The following TAOK3 variants were observed in gnomAD, a reference collection of about 807,000 sequenced individuals.
TAOK3 encodes the protein serine/threonine-protein kinase TAO3.
In TAOK3, 40 loss-of-function variants were observed where a neutral mutation model predicts 120.4. The observed-to-expected ratio is 0.33, with a 90% CI of 0.26 to 0.43. The LOEUF is 0.43. Ranked by LOEUF, TAOK3 falls within the 20% of genes least tolerant of loss-of-function variation. TAOK3 has a pLI of 1.00. For missense variants in TAOK3, 821 were observed against 1,112.1 expected (o/e 0.74, Z 3.72); for synonymous variants, 355 against 387.5 (o/e 0.92, Z 0.99).
chr12:118,316,826 GT>G (rs761222640), intron 1 of TAOK3, among the ~76,000 whole-genome samples: 1 of 152,114 alleles, frequency 6.6e-6, no homozygotes, highest in Admixed American at 6.5e-5. Flanking sequence ...AAAATCAGTT[GT>G]ATTTCTATAT....
intron 9 of TAOK3, among the ~76,000 whole-genome samples, chr12:118,218,005 G>A (rs1460789619): frequency 2.0e-5 from 3 of 149,720 alleles, no homozygotes; most frequent in Admixed American, 6.7e-5. Context: ...GACTACAGGC[G>A]CATGCCACCA....
intron 2 of TAOK3, among the ~76,000 whole-genome samples, chr12:118,262,871 A>C (rs1441327931): frequency 1.3e-5 from 2 of 152,016 alleles, no homozygotes; most frequent in Non-Finnish European, 2.9e-5. Context: ...CAATGCGACA[A>C]AGGATATATA....
intron 1 of TAOK3, among the ~76,000 whole-genome samples, chr12:118,273,678 T>C (rs1238444027): frequency 6.6e-6 from 1 of 151,660 alleles, no homozygotes; most frequent in Non-Finnish European, 1.5e-5. Flanking sequence ...TAGCTGGGCG[T>C]GGTGGCGCAT....
At chr12:118,292,640 C>T (rs763947309) in intron 1 of TAOK3, among the ~76,000 whole-genome samples, 2 of 152,194 alleles carry the variant, frequency 1.3e-5, no homozygotes, top group African/African-American at 2.4e-5. Context: ...ATCTCAAGCC[C>T]AGTCTTTTTA....
At chr12:118,213,977 G>A (rs1178847312) in intron 10 of TAOK3, 40 bp downstream of exon 10, 1 of 1,513,784 alleles carries the variant, frequency 6.6e-7, no homozygotes, top group Non-Finnish European at 9.1e-7. Flanking sequence ...AATACATACG[G>A]TGATTTTCTT....
intron 1 of TAOK3, among the ~76,000 whole-genome samples, chr12:118,298,950 T>C (rs2042778319): frequency 1.3e-5 from 2 of 152,236 alleles, no homozygotes; most frequent in South Asian, 4.1e-4. Flanking sequence ...ATAATCTATA[T>C]CCTGGAAGGT....
chr12:118,179,937 T>C (rs1011113687), intron 15 of TAOK3, among the ~76,000 whole-genome samples: 3 of 142,506 alleles, frequency 2.1e-5, no homozygotes, highest in Non-Finnish European at 4.5e-5. Flanking sequence ...TGAGCCACCA[T>C]GCCTGGCTGG....
chr12:118,300,984 C>T (rs564196823), intron 1 of TAOK3, among the ~76,000 whole-genome samples: 7 of 152,098 alleles, frequency 4.6e-5, no homozygotes, highest in Non-Finnish European at 1.0e-4. Flanking sequence ...CCATGTTGGC[C>T]AGGCTGATCT....
At chr12:118,209,455 T>C (rs917115992) in intron 11 of TAOK3, among the ~76,000 whole-genome samples, 1 of 152,124 alleles carries the variant, frequency 6.6e-6, no homozygotes, top group African/African-American at 2.4e-5. Flanking sequence ...CAGGCTGGAG[T>C]GCAGGGGCAC....
chr12:118,159,587 C>T (rs1339355437), intron 19 of TAOK3, among the ~76,000 whole-genome samples: 1 of 152,208 alleles, frequency 6.6e-6, no homozygotes, highest in Non-Finnish European at 1.5e-5. Context: ...AGGCGTGAGC[C>T]ACCGCGCCCG....
chr12:118,249,814 A>AG (rs2040672124), intron 3 of TAOK3, among the ~76,000 whole-genome samples: 1 of 152,178 alleles, frequency 6.6e-6, no homozygotes, highest in Non-Finnish European at 1.5e-5. Flanking sequence ...CTTGGGTGAC[A>AG]GAGTGAGAGA....
chr12:118,217,811 G>GTGTGTGTATA lies in TAOK3; in HGVS notation c.644-3702_644-3701insTATACACACA, dbSNP rs1353848789. ...TGTATGTATGTATGTGTGTGTGTGTGTATACATATATATATATATATATAT... is the reference window on the plus strand; with the variant it reads ...TGTATGTATGTATGTGTGTGTGTGTGTGTGTGTATATATACATATATATATATATATATAT... On this transcript the variant is annotated intron_variant, in intron 9 of 20. Coordinates refer to ENST00000392533, the MANE Select transcript of TAOK3 (RefSeq NM_016281.4). Among the ~76,000 whole-genome samples, 270 of 75,338 alleles carry GTGTGTGTATA rather than the reference G, an allele frequency of 3.6e-3. 42 individuals are homozygous for GTGTGTGTATA. The highest frequency in any genetic ancestry group is 6.5e-3 in the Middle Eastern group (1 of 154). The allele number at this position is 75,338 out of a possible 152,430, so 49.4% of individuals were successfully genotyped here.
At chr12:118,285,576 C>T (rs2042239236) in intron 1 of TAOK3, among the ~76,000 whole-genome samples, 1 of 152,158 alleles carries the variant, frequency 6.6e-6, no homozygotes, top group Non-Finnish European at 1.5e-5. Flanking sequence ...TGGTCTCGAA[C>T]TCCTGACCTC....
intron 1 of TAOK3, among the ~76,000 whole-genome samples, chr12:118,321,199 ATTGT>A (rs1312700543): frequency 7.2e-5 from 11 of 152,122 alleles, no homozygotes; most frequent in African/African-American, 2.7e-4. Context: ...ATATTACTAT[ATTGT>A]TTAACACTGT....
At position 118,151,080 on chromosome 12, in the gene TAOK3, T is replaced by C; in HGVS notation, c.2614A>G (p.Ile872Val). Residue 872 changes from isoleucine (I) to valine (V), a missense_variant, in exon 21 of 21, where the codon ATT (isoleucine) becomes GTT (valine). Transcript: ENST00000392533. ...KNLLERQERE[I>V]ETFDMESLRM... Reference sequence around the variant, plus strand: ...AGGCTCTCCATGTCAAAAGTTTCAATCTCTCGCTCTTGCCTTTCCAATAGG... The same window carrying C: ...AGGCTCTCCATGTCAAAAGTTTCAACCTCTCGCTCTTGCCTTTCCAATAGG... 6.2e-7 allele frequency: 1 copy of C among 1,613,462 alleles called. No individual in the cohort carries two copies. Among genetic ancestry groups the C allele is most frequent in the South Asian group, 1.1e-5 (1 of 91,064 alleles).
At chr12:118,322,545 T>A (rs1416643593) in intron 1 of TAOK3, among the ~76,000 whole-genome samples, 1 of 151,940 alleles carries the variant, frequency 6.6e-6, no homozygotes, top group Admixed American at 6.6e-5. Flanking sequence ...GATATAACTA[T>A]TCAACTCTGT....
intron 1 of TAOK3, among the ~76,000 whole-genome samples, chr12:118,333,938 C>A (rs2044254774): frequency 6.6e-6 from 1 of 151,462 alleles, no homozygotes; most frequent in African/African-American, 2.4e-5. Flanking sequence ...GAGTTCGAGA[C>A]CAGCCTGACC....
chr12:118,359,232 G>A (rs920915536), intron 1 of TAOK3: 9 of 152,100 alleles, frequency 5.9e-5, no homozygotes, highest in African/African-American at 2.2e-4. Flanking sequence ...CGACATTTTA[G>A]AAAGAACTCT....
At chr12:118,272,106 A>G (rs1004032566) in intron 1 of TAOK3, among the ~76,000 whole-genome samples, 50 of 152,322 alleles carry the variant, frequency 3.3e-4, no homozygotes, top group African/African-American at 1.1e-3. Flanking sequence ...ATGGTAATCA[A>G]GTAAATTATT....
Sources: allele counts gnomAD v4.1 joint callset (sites outside exome capture counted in the v4.1 genomes callset), GRCh38; gene constraint gnomAD v4.1.1; transcripts MANE v1.5; gene names NCBI Gene and HGNC (gene_info 2026-07-23, HGNC 2026-07-21).